Variants in SKAP2 observed in about 807,000 individuals in gnomAD.
SKAP2 encodes src kinase associated phosphoprotein 2.
SKAP2 carries 28 observed loss-of-function variants against 54.9 expected under a neutral mutation model. The ratio of observed to expected loss-of-function variants is 0.51; its 90% CI spans 0.38 to 0.70. SKAP2 has a LOEUF of 0.70. Among genes scored for constraint, SKAP2 ranks in the 30% least tolerant of loss-of-function variants. The pLI is 0.00. For missense variants in SKAP2, 356 were observed against 424.1 expected (o/e 0.84, Z 1.41); for synonymous variants, 137 against 134.3 (o/e 1.02, Z -0.14).
chr7:26,861,180 G>A (rs1262125855), intron 1 of SKAP2, among the ~76,000 whole-genome samples: 1 of 151,928 alleles, frequency 6.6e-6, no homozygotes, highest in Non-Finnish European at 1.5e-5. Flanking sequence ...AACAAATGAA[G>A]GAGGCTGGAG....
chr7:26,857,113 T>C (rs1785179404), intron 1 of SKAP2, among the ~76,000 whole-genome samples: 1 of 150,482 alleles, frequency 6.6e-6, no homozygotes, highest in Admixed American at 6.6e-5. Flanking sequence ...GAAGAATCGG[T>C]ATTTTTCAAG....
At position 26,684,811 on chromosome 7, in the gene SKAP2, T is replaced by C; in HGVS notation, c.912A>G (p.Gly304=). The change falls in exon 11 of 13, where the codon GGA becomes GGG. Residue 304 remains glycine (G), a synonymous_variant. Transcript: ENST00000345317. ...AAAAAGCTCCAGTACAATCCCACAATCCCTGGTAAAAATTAGCATAATCAG... is the reference window on the plus strand; with the variant it reads ...AAAAAGCTCCAGTACAATCCCACAACCCCTGGTAAAAATTAGCATAATCAG... ...KSTDYANFYQ[G]LWDCTGAFSD... The C allele has an allele frequency of 6.2e-7, 1 of 1,612,446 alleles. No homozygotes were observed.
intron 11 of SKAP2, among the ~76,000 whole-genome samples, chr7:26,680,292 G>A (rs1165176599): frequency 6.6e-6 from 1 of 152,122 alleles, no homozygotes; most frequent in Non-Finnish European, 1.5e-5. Context: ...TATACCTATT[G>A]CTATATAATC....
chr7:26,682,490 C>T (rs919283655), intron 11 of SKAP2, among the ~76,000 whole-genome samples: 7 of 152,144 alleles, frequency 4.6e-5, no homozygotes, highest in Non-Finnish European at 1.5e-5. Context: ...AGCTGAGTAA[C>T]GATGAACACT....
At position 26,756,647 on chromosome 7, in the gene SKAP2, C is replaced by A. The variant is rs530264165; in HGVS notation, c.308-16683G>T. 3.1e-4 allele frequency among the ~76,000 whole-genome samples: 47 copies of A among 152,272 alleles called. 1 individual carries two copies. In the South Asian group the frequency reaches 5.8e-3, roughly 19 times the overall value. ...TAGTGCCGCAATAAACATACACGTGCATGTGTCTTTATAGCAGCATGATTT... is the reference window on the plus strand; with the variant it reads ...TAGTGCCGCAATAAACATACACGTGAATGTGTCTTTATAGCAGCATGATTT... On this transcript the variant is annotated intron_variant, in intron 4 of 12. Transcript: ENST00000345317.
chr7:26,709,609 T>C (rs2127949451), intron 9 of SKAP2, among the ~76,000 whole-genome samples: 1 of 152,356 alleles, frequency 6.6e-6, no homozygotes, highest in African/African-American at 2.4e-5. Flanking sequence ...CAGATTTCCA[T>C]ATCTGAGTTT....
intron 6 of SKAP2, among the ~76,000 whole-genome samples, chr7:26,730,641 A>T (rs780711487): frequency 5.9e-5 from 9 of 152,176 alleles, no homozygotes; most frequent in African/African-American, 1.2e-4. Flanking sequence ...CCTAACCTCT[A>T]TCATGCTGTT....
intron 6 of SKAP2, among the ~76,000 whole-genome samples, chr7:26,728,919 C>A (rs1787766156): frequency 6.6e-6 from 1 of 152,104 alleles, no homozygotes; most frequent in Non-Finnish European, 1.5e-5. Flanking sequence ...CCTATGCCTT[C>A]TACCTCCAAT....
At chr7:26,823,837 A>G (rs1784433749) in intron 4 of SKAP2, among the ~76,000 whole-genome samples, 1 of 152,224 alleles carries the variant, frequency 6.6e-6, no homozygotes, top group Admixed American at 6.5e-5. Context: ...TTGCAATCTC[A>G]TGATAAAACT....
At chr7:26,744,997 CTTCATTACACTAATATG>C (rs1349154733) in intron 4 of SKAP2, among the ~76,000 whole-genome samples, 6 of 152,208 alleles carry the variant, frequency 3.9e-5, no homozygotes, top group Admixed American at 3.3e-4. Context: ...ATATTATTGG[CTTCATTACACTAATATG>C]TTCACACTTT....
intron 4 of SKAP2, among the ~76,000 whole-genome samples, chr7:26,817,591 T>C (rs1057066486): frequency 3.3e-5 from 5 of 152,152 alleles, no homozygotes; most frequent in African/African-American, 4.8e-5. Context: ...ATTTATTTAA[T>C]TATAAAACAT....
intron 9 of SKAP2, among the ~76,000 whole-genome samples, chr7:26,692,866 G>A (rs1054667609): frequency 5.9e-5 from 9 of 152,138 alleles, no homozygotes; most frequent in African/African-American, 1.9e-4. Context: ...AAAAGGTGAA[G>A]GAGAAAGCTT....
intron 9 of SKAP2, among the ~76,000 whole-genome samples, chr7:26,697,274 G>C (rs182377780): frequency 3.9e-5 from 6 of 152,302 alleles, no homozygotes; most frequent in Non-Finnish European, 2.9e-5. Context: ...TTCAGGAGCA[G>C]TCTTGTATAC....
At chr7:26,671,742 A>G (rs1786246415) in intron 11 of SKAP2, among the ~76,000 whole-genome samples, 2 of 152,048 alleles carry the variant, frequency 1.3e-5, no homozygotes, top group African/African-American at 2.4e-5. Context: ...ACGAAGCTGT[A>G]TAAGGAACGA....
chr7:26,752,011 T>C (rs1782696479), intron 4 of SKAP2, among the ~76,000 whole-genome samples: 1 of 152,144 alleles, frequency 6.6e-6, no homozygotes, highest in African/African-American at 2.4e-5. Flanking sequence ...GAAAGGTATA[T>C]GGGAACTCTT....
intron 9 of SKAP2, among the ~76,000 whole-genome samples, chr7:26,718,479 C>T (rs913968502): frequency 6.6e-6 from 1 of 151,650 alleles, no homozygotes; most frequent in African/African-American, 2.4e-5. Context: ...GGAGTGACTT[C>T]CACTTTTTTA....
intron 4 of SKAP2, among the ~76,000 whole-genome samples, chr7:26,837,419 G>T (rs753307654): frequency 6.6e-6 from 1 of 152,098 alleles, no homozygotes; most frequent in Non-Finnish European, 1.5e-5. Context: ...CTTGGCTTCT[G>T]AGAAAGCCTC....
chr7:26,843,560 A>T (rs1025291764), intron 4 of SKAP2, among the ~76,000 whole-genome samples: 2 of 152,054 alleles, frequency 1.3e-5, no homozygotes, highest in East Asian at 1.9e-4. Flanking sequence ...GCATTAAAAG[A>T]AGCATTTGAT....
chr7:26,813,877 A>G (rs1784208999), intron 4 of SKAP2, among the ~76,000 whole-genome samples: 2 of 152,196 alleles, frequency 1.3e-5, no homozygotes, highest in African/African-American at 4.8e-5. Context: ...AAGGTCACTG[A>G]ACTCTCTGTG....
Sources: gnomAD v4.1 joint callset for allele counts (sites outside exome capture counted in the v4.1 genomes callset) on GRCh38, gnomAD v4.1.1 for gene constraint, MANE v1.5 for transcripts, NCBI Gene and HGNC (gene_info 2026-07-23, HGNC 2026-07-21) for gene names.